DSCAM: variants seen among roughly 807,000 people sequenced by gnomAD.
DSCAM encodes DS cell adhesion molecule.
In DSCAM, 47 loss-of-function variants were observed where a neutral mutation model predicts 217.7. The ratio of observed to expected loss-of-function variants is 0.22; its 90% CI spans 0.17 to 0.28. DSCAM has a LOEUF of 0.28. DSCAM is among the 10% of genes least tolerant of loss of function. DSCAM has a pLI of 1.00. For synonymous variants in DSCAM, 1,056 were observed against 1,015.3 expected (o/e 1.04, Z -0.76); for missense variants, 2,080 against 2,618.3 (o/e 0.79, Z 4.49).
intron 11 of DSCAM, among the ~76,000 whole-genome samples, chr21:40,252,684 A>G (rs1222669542): frequency 6.6e-6 from 1 of 152,192 alleles, no homozygotes; most frequent in Non-Finnish European, 1.5e-5. Context: ...ACTTTTTACT[A>G]TTGCCCTAGA....
chr21:40,645,394 A>C (rs1193645833), intron 3 of DSCAM, among the ~76,000 whole-genome samples: 1 of 152,224 alleles, frequency 6.6e-6, no homozygotes, highest in Non-Finnish European at 1.5e-5. Context: ...ATTAGAGATG[A>C]TGATACATAA....
chr21:40,126,430 T>C (rs188954752), intron 19 of DSCAM, among the ~76,000 whole-genome samples: 7 of 152,172 alleles, frequency 4.6e-5, no homozygotes, highest in Admixed American at 3.3e-4. Context: ...ACATGTGGAT[T>C]TGTCCCAATT....
intron 19 of DSCAM, among the ~76,000 whole-genome samples, chr21:40,132,052 T>C (rs1452970899): frequency 1.3e-5 from 2 of 152,196 alleles, no homozygotes; most frequent in South Asian, 2.1e-4. Context: ...TGCAAAACAT[T>C]TTGTGGATGA....
intron 1 of DSCAM, among the ~76,000 whole-genome samples, chr21:40,736,546 A>C (rs757238766): frequency 6.6e-6 from 1 of 152,162 alleles, no homozygotes; most frequent in Non-Finnish European, 1.5e-5. Flanking sequence ...GGCTTCCCCA[A>C]TTGTGACCAA....
At chr21:40,360,545 A>G (rs1569084405) in intron 4 of DSCAM, among the ~76,000 whole-genome samples, 1 of 152,098 alleles carries the variant, frequency 6.6e-6, no homozygotes, top group South Asian at 2.1e-4. Context: ...GCTCTTACTT[A>G]TAAGTGAGAA....
At chr21:40,182,702 G>A (rs1255078310) in intron 14 of DSCAM, among the ~76,000 whole-genome samples, 679 of 67,328 alleles carry the variant, frequency 0.01, 2 homozygotes, top group Middle Eastern at 0.018. Flanking sequence ...CGTGGACGGG[G>A]GGGGGTTACC....
intron 3 of DSCAM, among the ~76,000 whole-genome samples, chr21:40,469,938 T>C (rs1421039495): frequency 6.6e-6 from 1 of 152,138 alleles, no homozygotes; most frequent in Non-Finnish European, 1.5e-5. Context: ...GAAAAAACGG[T>C]TTTAGAATAA....
rs1485261657 is a variant in DSCAM at position 40,016,890 on chromosome 21, TG to T, written c.5687-3505del. 5.9e-5 allele frequency among the ~76,000 whole-genome samples: 9 copies of T among 152,142 alleles called. No homozygotes were observed. The highest frequency in any genetic ancestry group is 1.2e-4 in the Non-Finnish European group (8 of 68,026). On this transcript the variant is annotated intron_variant, in intron 32 of 32. Transcript: ENST00000400454. This position sits in a 1 kb window ranked among gnomAD's most constrained non-coding sequence, Gnocchi z 4.3. The stretch of plus-strand genomic sequence containing the variant: ...CGCCCACTTTGGGAGGCCTAGGCAA[TG>T]GATCACCTGAGGTCAGGTGTTCGAG...
chr21:40,682,345 G>A (rs2090410991), intron 3 of DSCAM, among the ~76,000 whole-genome samples: 1 of 151,910 alleles, frequency 6.6e-6, no homozygotes, highest in Admixed American at 6.6e-5. Flanking sequence ...ATACATTTCT[G>A]AGAGGGGAAG....
intron 3 of DSCAM, among the ~76,000 whole-genome samples, chr21:40,661,933 C>T (rs8129262): frequency 0.76 from 116,018 of 152,092 alleles, 47,466 homozygotes; most frequent in East Asian, 0.98. Context: ...GGAAGAAAAC[C>T]CTAAAATTGA....
intron 32 of DSCAM, among the ~76,000 whole-genome samples, chr21:40,033,751 A>C (rs929852235): frequency 2.0e-5 from 3 of 151,582 alleles, no homozygotes. Context: ...AAAAGACAGC[A>C]GTAACCTCTG....
At chr21:40,567,249 C>T (rs566152598) in intron 3 of DSCAM, among the ~76,000 whole-genome samples, 26 of 152,294 alleles carry the variant, frequency 1.7e-4, no homozygotes, top group Middle Eastern at 3.4e-3. Flanking sequence ...TAGTTGGCCC[C>T]GGCTTTGGGG....
At chr21:40,477,510 T>C (rs1018104179) in intron 3 of DSCAM, among the ~76,000 whole-genome samples, 2 of 152,216 alleles carry the variant, frequency 1.3e-5, no homozygotes, top group African/African-American at 2.4e-5. Context: ...GAGTCATCTA[T>C]AATTATTTCC....
At chr21:40,519,883 T>C (rs2076345399) in intron 3 of DSCAM, among the ~76,000 whole-genome samples, 1 of 151,100 alleles carries the variant, frequency 6.6e-6, no homozygotes, top group Non-Finnish European at 1.5e-5. Flanking sequence ...TGTGTGTCCA[T>C]ACACATATAA....
At chr21:40,081,271 T>C (rs1030413465) in intron 24 of DSCAM, among the ~76,000 whole-genome samples, 5 of 152,154 alleles carry the variant, frequency 3.3e-5, no homozygotes, top group African/African-American at 9.7e-5. Flanking sequence ...CAACAACGGG[T>C]TGGTACCTTC....
intron 3 of DSCAM, among the ~76,000 whole-genome samples, chr21:40,455,398 TAA>T (rs931405237): frequency 4.0e-5 from 6 of 151,836 alleles, no homozygotes; most frequent in Non-Finnish European, 8.8e-5. Flanking sequence ...AATTAAAAAA[TAA>T]AAAAACTGAT....
At chr21:40,259,036 T>C (rs2073411708) in intron 11 of DSCAM, among the ~76,000 whole-genome samples, 1 of 152,254 alleles carries the variant, frequency 6.6e-6, no homozygotes. Context: ...TATTTCTTTA[T>C]GGCACTGAGG....
chr21:40,264,884 C>T (rs1356556001), intron 11 of DSCAM, among the ~76,000 whole-genome samples: 2 of 152,176 alleles, frequency 1.3e-5, no homozygotes, highest in East Asian at 3.8e-4. Context: ...TATATACCAA[C>T]AATGACCAAG....
At chr21:40,074,456 C>T (rs543340485) in intron 27 of DSCAM, among the ~76,000 whole-genome samples, 36 of 152,282 alleles carry the variant, frequency 2.4e-4, no homozygotes, top group Admixed American at 5.2e-4. Flanking sequence ...CAGAACGACA[C>T]GGGGCTGGAC....
Sources: gnomAD v4.1 joint callset for allele counts (sites outside exome capture counted in the v4.1 genomes callset) on GRCh38, gnomAD v4.1.1 for gene constraint, Gnocchi (gnomAD v3.1) non-coding constraint, MANE v1.5 for transcripts, NCBI Gene and HGNC (gene_info 2026-07-23, HGNC 2026-07-21) for gene names.